DISC1: variants seen among roughly 807,000 people sequenced by gnomAD.
DISC1 encodes the protein disrupted in schizophrenia 1 protein.
A neutral mutation model predicts 84.5 loss-of-function variants in DISC1; 57 were observed. The ratio of observed to expected loss-of-function variants is 0.67; its 90% CI spans 0.55 to 0.84. DISC1 has a LOEUF of 0.84. Ranked by LOEUF, DISC1 falls within the 40% of genes least tolerant of loss-of-function variation. The pLI is 0.00. For missense variants in DISC1, 1,000 were observed against 1,057.8 expected, an observed-to-expected ratio of 0.95 and a Z score of 0.76; for synonymous variants, 411 against 415.2, an observed-to-expected ratio of 0.99 and a Z score of 0.12.
rs546979353 is a variant in DISC1, at chr1:231,740,972, T to C, written c.1118-8954T>C. Among the ~76,000 whole-genome samples, 9 of 152,290 alleles carry C rather than the reference T, an allele frequency of 5.9e-5. No homozygotes were observed. In the South Asian group the frequency reaches 1.9e-3, roughly 32 times the overall value. Reference sequence around the variant, plus strand: ...GATTAGAGATGCTCAACCTGTAACATGTATGAAAGTGCTTGGAGTAATGCC... The same window carrying C: ...GATTAGAGATGCTCAACCTGTAACACGTATGAAAGTGCTTGGAGTAATGCC... On this transcript the variant is annotated intron_variant, in intron 3 of 12. Coordinates refer to ENST00000439617, the MANE Select transcript of DISC1 (RefSeq NM_018662.3).
At chr1:231,964,650 G>C (rs1011222090) in intron 10 of DISC1, among the ~76,000 whole-genome samples, 1 of 152,222 alleles carries the variant, frequency 6.6e-6, no homozygotes, top group Admixed American at 6.5e-5. Flanking sequence ...CTCTGTGACA[G>C]AGCCCAGTAG....
intron 9 of DISC1, among the ~76,000 whole-genome samples, chr1:231,834,191 A>T (rs2082451383): frequency 6.6e-6 from 1 of 152,194 alleles, no homozygotes; most frequent in African/African-American, 2.4e-5. Context: ...CGAAACTGTA[A>T]GCCAGACCGG....
intron 11 of DISC1, among the ~76,000 whole-genome samples, chr1:232,024,685 C>T (rs534042030): frequency 3.9e-5 from 6 of 152,050 alleles, no homozygotes; most frequent in African/African-American, 7.2e-5. Context: ...CTCCGCCTCC[C>T]GGGTTCAAGC....
chr1:231,871,006 G>A (rs113849864), intron 9 of DISC1, among the ~76,000 whole-genome samples: 6 of 151,944 alleles, frequency 3.9e-5, no homozygotes, highest in Non-Finnish European at 8.8e-5. Context: ...TCTTCTTACA[G>A]CTATTGGGGG....
At chr1:231,767,417 C>T (rs2076248480) in intron 5 of DISC1, 148 bp downstream of exon 5, 3 of 1,239,952 alleles carry the variant, frequency 2.4e-6, no homozygotes, top group Middle Eastern at 2.7e-4. Flanking sequence ...CCACCTCAGC[C>T]TCCCAAGTAG....
intron 1 of DISC1, among the ~76,000 whole-genome samples, chr1:231,648,200 C>T (rs1430409829): frequency 6.6e-6 from 1 of 152,208 alleles, no homozygotes; most frequent in Non-Finnish European, 1.5e-5. Flanking sequence ...ATGGGTTTGT[C>T]ATAAATAGCT....
chr1:231,889,099 A>G (rs2126000407), intron 9 of DISC1, among the ~76,000 whole-genome samples: 1 of 152,266 alleles, frequency 6.6e-6, no homozygotes, highest in South Asian at 2.1e-4. Context: ...CTCAGATGGT[A>G]GATTTTGTGG....
chr1:231,634,019 G>A (rs1216119420), intron 1 of DISC1, among the ~76,000 whole-genome samples: 1 of 151,992 alleles, frequency 6.6e-6, no homozygotes, highest in African/African-American at 2.4e-5. Context: ...AAGTACCTGG[G>A]ATTACAGGCA....
intron 1 of DISC1, among the ~76,000 whole-genome samples, chr1:231,682,444 T>C (rs771927375): frequency 7.0e-6 from 1 of 142,256 alleles, no homozygotes; most frequent in Non-Finnish European, 1.5e-5. Context: ...CTTCAGTGAC[T>C]CTGTGCCAGG....
intron 7 of DISC1, among the ~76,000 whole-genome samples, chr1:231,799,889 T>TTCCC (rs1267053923): frequency 5.3e-3 from 1 of 188 alleles, no homozygotes; most frequent in Non-Finnish European, 8.3e-3. Flanking sequence ...CCTTCCCTCC[T>TTCCC]TCCCTTCCTC....
chr1:231,663,377 A>G (rs1045845236), intron 1 of DISC1, among the ~76,000 whole-genome samples: 1 of 152,202 alleles, frequency 6.6e-6, no homozygotes, highest in Non-Finnish European at 1.5e-5. Context: ...TGCCTGAATA[A>G]TGCAGTATGT....
At chr1:231,862,158 A>C (rs2084716484) in intron 9 of DISC1, among the ~76,000 whole-genome samples, 1 of 152,196 alleles carries the variant, frequency 6.6e-6, no homozygotes, top group Non-Finnish European at 1.5e-5. Flanking sequence ...TCATCGTTTT[A>C]TTTCATTTCT....
At chr1:231,741,418 A>G (rs934297262) in intron 3 of DISC1, among the ~76,000 whole-genome samples, 1 of 152,250 alleles carries the variant, frequency 6.6e-6, no homozygotes, top group Non-Finnish European at 1.5e-5. Flanking sequence ...ACATAAAAAA[A>G]CAAGAAACAA....
chr1:231,693,321 G>A (rs1421113456), intron 1 of DISC1, among the ~76,000 whole-genome samples: 1 of 152,260 alleles, frequency 6.6e-6, no homozygotes, highest in African/African-American at 2.4e-5. Flanking sequence ...TCCATGGTCT[G>A]CAGCAACAGA....
At chr1:232,012,663 C>T (rs1164976700) in intron 11 of DISC1, among the ~76,000 whole-genome samples, 1 of 152,190 alleles carries the variant, frequency 6.6e-6, no homozygotes, top group East Asian at 1.9e-4. Context: ...TAGAGGTCCA[C>T]AGGAAGATGA....
chr1:231,946,307 A>G (rs1164945842), intron 9 of DISC1, among the ~76,000 whole-genome samples: 2 of 152,236 alleles, frequency 1.3e-5, no homozygotes, highest in African/African-American at 4.8e-5. Flanking sequence ...CTGTTTCAAC[A>G]TATGCAAATC....
At chr1:231,949,123 C>T (rs1174390079) in intron 9 of DISC1, among the ~76,000 whole-genome samples, 1 of 152,116 alleles carries the variant, frequency 6.6e-6, no homozygotes, top group Non-Finnish European at 1.5e-5. Context: ...CTGCCTCGGC[C>T]TCACAAAGTG....
At position 231,974,004 on chromosome 1, in the gene DISC1, AT is replaced by A. The variant is rs575805539; in HGVS notation, c.2042+15127del. Among the ~76,000 whole-genome samples, 524 of 147,686 alleles carry A rather than the reference AT, an allele frequency of 3.5e-3. 3 individuals carry two copies. The highest frequency in any genetic ancestry group is 0.011 in the African/African-American group (432 of 40,440). ...TTTTTGTGGTTCTGAGTTGACGGGGATTTTTTTTTTTCTTAAAGAGGTACAT... is the reference window on the plus strand; with the variant it reads ...TTTTTGTGGTTCTGAGTTGACGGGGATTTTTTTTTTCTTAAAGAGGTACAT... On this transcript the variant is annotated intron_variant, in intron 10 of 12. Transcript: ENST00000439617.
intron 3 of DISC1, among the ~76,000 whole-genome samples, chr1:231,713,048 G>T (rs1364865154): frequency 6.6e-6 from 1 of 152,150 alleles, no homozygotes; most frequent in African/African-American, 2.4e-5. Context: ...GTGTAAGGTT[G>T]GGTAAGTATT....
Sources: gnomAD v4.1 joint callset for allele counts (sites outside exome capture counted in the v4.1 genomes callset) on GRCh38, gnomAD v4.1.1 for gene constraint, MANE v1.5 for transcripts, NCBI Gene and HGNC (gene_info 2026-07-23, HGNC 2026-07-21) for gene names.